CHP1: variants seen among roughly 807,000 people sequenced by gnomAD.
CHP1 encodes calcineurin like EF-hand protein 1, also known as calcineurin B homologous protein 1.
A neutral mutation model predicts 27.4 loss-of-function variants in CHP1; 11 were observed. The ratio of observed to expected loss-of-function variants is 0.40; its 90% CI spans 0.25 to 0.67. The LOEUF is 0.67. CHP1 is among the 30% of genes least tolerant of loss of function. CHP1 has a pLI of 0.38. For missense variants in CHP1, 169 were observed against 251.3 expected (o/e 0.67, Z 2.22); for synonymous variants, 89 against 87.4 (o/e 1.02, Z -0.10).
intron 4 of CHP1, among the ~76,000 whole-genome samples, chr15:41,269,149 G>C (rs2047476390): frequency 6.6e-6 from 1 of 151,558 alleles, no homozygotes; most frequent in South Asian, 2.1e-4. Flanking sequence ...GCTGTAGTGA[G>C]TCATGATTGT....
intron 1 of CHP1, among the ~76,000 whole-genome samples, chr15:41,235,369 A>T (rs566992027): frequency 1.4e-4 from 22 of 152,138 alleles, no homozygotes; most frequent in African/African-American, 3.4e-4. Flanking sequence ...AAATAAATTT[A>T]AAAAAAATTA....
chr15:41,272,640 C>T (rs539683900), intron 5 of CHP1, among the ~76,000 whole-genome samples: 123 of 152,144 alleles, frequency 8.1e-4, no homozygotes, highest in Middle Eastern at 3.4e-3. Context: ...AGGCTGGTCT[C>T]GAACTCTTGG....
intron 5 of CHP1, 118 bp downstream of exon 5, chr15:41,270,736 G>T (rs530857729): frequency 3.9e-6 from 3 of 776,006 alleles, no homozygotes; most frequent in East Asian, 2.5e-5. Flanking sequence ...GCAGAGTCCT[G>T]TCCTGGTTAT....
At chr15:41,243,280 G>A (rs1453078068) in intron 1 of CHP1, among the ~76,000 whole-genome samples, 1 of 152,116 alleles carries the variant, frequency 6.6e-6, no homozygotes, top group Non-Finnish European at 1.5e-5. Context: ...GGCAGAGGTG[G>A]CAGTGAGTGA....
rs1595482849 is a variant in CHP1 at position 41,273,689 on chromosome 15, A to C, written c.411+3071A>C. Among the ~76,000 whole-genome samples, 3 of 145,946 alleles carry C rather than the reference A, an allele frequency of 2.1e-5. No individual in the cohort carries two copies. The East Asian group carries it at 6.0e-4, about 29-fold the overall frequency. On this transcript the variant is annotated intron_variant, in intron 5 of 6. Transcript: ENST00000334660. ...GGCCTCACCATCCATTCATGATTTA[A>C]AAAAAAAAAAAAGAAGTCTTAGAAA...
intron 4 of CHP1, among the ~76,000 whole-genome samples, chr15:41,267,010 AG>A (rs1567010460): frequency 6.6e-6 from 1 of 152,082 alleles, no homozygotes; most frequent in African/African-American, 2.4e-5. Flanking sequence ...GAAAAAAAAA[AG>A]GAAATTCTGG....
intron 3 of CHP1, among the ~76,000 whole-genome samples, chr15:41,261,739 A>G (rs2047433934): frequency 6.6e-6 from 1 of 151,922 alleles, no homozygotes; most frequent in Non-Finnish European, 1.5e-5. Flanking sequence ...CACACCTGTA[A>G]TCCCACCACT....
At chr15:41,256,882 A>G (rs371089477) in intron 2 of CHP1, 28 bp from the exon 3 acceptor site, 112 of 1,601,860 alleles carry the variant, frequency 7.0e-5, no homozygotes, top group Admixed American at 3.2e-4. Context: ...AATGATCTCT[A>G]TCTAACTCAA....
intron 1 of CHP1, among the ~76,000 whole-genome samples, chr15:41,232,463 G>A (rs1252880821): frequency 1.3e-5 from 2 of 151,754 alleles, no homozygotes; most frequent in African/African-American, 2.4e-5. Context: ...CACCCACCTC[G>A]GCCTCCCAAA....
At chr15:41,267,404 G>A (rs1210818212) in intron 4 of CHP1, among the ~76,000 whole-genome samples, 6 of 152,084 alleles carry the variant, frequency 3.9e-5, no homozygotes, top group South Asian at 4.2e-4. Flanking sequence ...GCTTATTCCT[G>A]TAATCCCAAC....
chr15:41,243,409 C>G (rs1338727890), intron 1 of CHP1, among the ~76,000 whole-genome samples: 1 of 152,180 alleles, frequency 6.6e-6, no homozygotes, highest in Non-Finnish European at 1.5e-5. Flanking sequence ...TTTGTTAAAT[C>G]TTAACCATCT....
intron 2 of CHP1, among the ~76,000 whole-genome samples, chr15:41,246,400 A>G (rs1287123914): frequency 6.7e-6 from 1 of 149,118 alleles, no homozygotes; most frequent in Non-Finnish European, 1.5e-5. Flanking sequence ...GCTCACTGCA[A>G]CCTCTGCCTC....
chr15:41,259,653 T>C (rs998944389), intron 3 of CHP1, among the ~76,000 whole-genome samples: 1 of 152,202 alleles, frequency 6.6e-6, no homozygotes, highest in Non-Finnish European at 1.5e-5. Context: ...TTTTAAACTT[T>C]ACTCCACATT....
chr15:41,236,863 C>T (rs2047279568), intron 1 of CHP1, among the ~76,000 whole-genome samples: 1 of 145,878 alleles, frequency 6.9e-6, no homozygotes, highest in African/African-American at 2.6e-5. Context: ...GAGTCTTGCT[C>T]TTGTTGCCCA....
chr15:41,257,799 A>G (rs1175169026), intron 3 of CHP1, among the ~76,000 whole-genome samples: 47 of 152,142 alleles, frequency 3.1e-4, no homozygotes, highest in Non-Finnish European at 8.8e-5. Flanking sequence ...ACCTCAGGTG[A>G]TCCGCCTGCC....
chr15:41,278,736 C>A (rs1280673578), intron 5 of CHP1, 31 bp from the exon 6 acceptor site: 1 of 1,613,594 alleles, frequency 6.2e-7, no homozygotes, highest in Non-Finnish European at 8.5e-7. Flanking sequence ...ATTCCCAAGG[C>A]CCTTGTAATT....
chr15:41,266,359 TA>T lies in CHP1; in HGVS notation c.349+3488del, dbSNP rs573358730. On this transcript the variant is annotated intron_variant, in intron 4 of 6. Transcript: ENST00000334660. Reference sequence around the variant, plus strand: ...ACCCTATCTACAGGTGGATAGTGTTTAAAAAAAAAAAAGTGAAAGGTATAAT... The same window carrying T: ...ACCCTATCTACAGGTGGATAGTGTTTAAAAAAAAAAAGTGAAAGGTATAAT... 1.9e-3 allele frequency among the ~76,000 whole-genome samples: 277 copies of T among 145,408 alleles called. 1 individual carries two copies. Among genetic ancestry groups the T allele is most frequent in the African/African-American group, 5.2e-3 (208 of 40,000 alleles).
intron 3 of CHP1, among the ~76,000 whole-genome samples, chr15:41,257,424 C>T (rs1045346351): frequency 1.8e-4 from 27 of 151,532 alleles, no homozygotes; most frequent in African/African-American, 5.8e-4. Flanking sequence ...AAGCCACATA[C>T]GTAATTTTAC....
At chr15:41,270,518 C>A in intron 4 of CHP1, 39 bp from the exon 5 acceptor site, 2 of 1,518,576 alleles carry the variant, frequency 1.3e-6, no homozygotes, top group Non-Finnish European at 1.8e-6. Flanking sequence ...GGGCAACACA[C>A]TACAGAATTT....
Sources: gnomAD v4.1 joint callset for allele counts (sites outside exome capture counted in the v4.1 genomes callset) on GRCh38, gnomAD v4.1.1 for gene constraint, MANE v1.5 for transcripts, NCBI Gene and HGNC (gene_info 2026-07-23, HGNC 2026-07-21) for gene names.